Variants in POLN observed in about 807,000 individuals in gnomAD.
POLN encodes the protein DNA polymerase nu, also known as DNA polymerase N.
POLN carries 108 observed loss-of-function variants against 113.5 expected under a neutral mutation model. The observed-to-expected ratio is 0.95, with a 90% CI of 0.81 to 1.12. The LOEUF (loss-of-function observed/expected upper bound fraction) is 1.12. Ranked by LOEUF, POLN falls within the 50% of genes most tolerant of loss-of-function variation. The pLI, the probability that POLN is intolerant of heterozygous loss-of-function variation, is 0.00. For synonymous variants in POLN, 386 were observed against 391.5 expected, an observed-to-expected ratio of 0.99 and a Z score of 0.17; for missense variants, 1,097 against 1,077.1, an observed-to-expected ratio of 1.02 and a Z score of -0.26.
Position 2,193,206 on chromosome 4 carries a change from T to A in POLN, c.1019A>T (p.His340Leu). ...AGAGAATAAAAAATATAACTTACCA[T>A]GCTTCCAACTGCCATCATTGCCAAA... Reference protein sequence around the residue: ...QFFGNDGSWKHVADFIGLDPR... With the variant: ...QFFGNDGSWKLVADFIGLDPR... Residue 340 changes from histidine (H) to leucine (L), a missense_variant and splice_region_variant, in exon 7 of 26, where the codon CAT (histidine) becomes CTT (leucine). His to Leu is a moderately conservative substitution (Grantham distance 99). Coordinates refer to ENST00000511885, the MANE Select transcript of POLN (RefSeq NM_181808.4). 1 of 1,585,700 alleles carries A rather than the reference T, an allele frequency of 6.3e-7. No homozygotes were observed. The highest frequency in any genetic ancestry group is 8.6e-7 in the Non-Finnish European group (1 of 1,159,480).
At chr4:2,084,620 C>T (rs1005470629) in intron 21 of POLN, among the ~76,000 whole-genome samples, 1 of 152,262 alleles carries the variant, frequency 6.6e-6, no homozygotes, top group East Asian at 1.9e-4. Context: ...CTGCCTGGAG[C>T]TCTCGGGGCT....
chr4:2,161,357 A>G (rs1732583735), intron 13 of POLN, among the ~76,000 whole-genome samples: 2 of 152,134 alleles, frequency 1.3e-5, no homozygotes. Flanking sequence ...CAGGCCCTGC[A>G]CTCGGAGCAG....
At chr4:2,181,577 A>T (rs189339479) in intron 7 of POLN, among the ~76,000 whole-genome samples, 190 of 152,318 alleles carry the variant, frequency 1.2e-3, no homozygotes, top group Middle Eastern at 3.4e-3. Flanking sequence ...AAAAAATGAT[A>T]AATATGACAA....
chr4:2,220,085 TGTCTCCCAGCTACAAATTC>T (rs1429474711), intron 3 of POLN, among the ~76,000 whole-genome samples: 2 of 152,142 alleles, frequency 1.3e-5, no homozygotes, highest in African/African-American at 4.8e-5. Flanking sequence ...ATCAACATAC[TGTCTCCCAGCTACAAATTC>T]GCCTCTCAGC....
intron 23 of POLN, chr4:2,080,367 GC>G (rs56785461): frequency 0.88 from 875,429 of 991,702 alleles, 392,420 homozygotes; most frequent in Non-Finnish European, 0.9. Context: ...CCAGGGCGGA[GC>G]CCCCCCCCAC....
intron 16 of POLN, chr4:2,140,125 C>CTACA (rs949900968): frequency 1.3e-5 from 2 of 152,172 alleles, no homozygotes; most frequent in Admixed American, 6.5e-5. Flanking sequence ...GTCGCCCAGA[C>CTACA]TACAGTGCAG....
At chr4:2,194,311 C>G (rs1324833688) in intron 6 of POLN, among the ~76,000 whole-genome samples, 2 of 152,144 alleles carry the variant, frequency 1.3e-5, no homozygotes, top group East Asian at 3.9e-4. Flanking sequence ...TTGGTTAGAG[C>G]TGAGGAAGAA....
At chr4:2,105,628 T>C (rs573616336) in intron 19 of POLN, among the ~76,000 whole-genome samples, 1 of 151,908 alleles carries the variant, frequency 6.6e-6, no homozygotes, top group Non-Finnish European at 1.5e-5. Context: ...AGCTCAGAAA[T>C]AGGGAATAAC....
intron 16 of POLN, chr4:2,156,546 GGA>G (rs3216822): frequency 0.82 from 516,634 of 626,580 alleles, 218,340 homozygotes; most frequent in Non-Finnish European, 0.89. Context: ...CCTGCACACT[GGA>G]GTGCATGGGT....
intron 3 of POLN, among the ~76,000 whole-genome samples, chr4:2,217,688 G>T (rs1374768442): frequency 6.6e-6 from 1 of 152,226 alleles, no homozygotes; most frequent in Non-Finnish European, 1.5e-5. Context: ...AGTTCTAGGA[G>T]TCTGCATTGA....
intron 16 of POLN, 26 bp from the exon 17 acceptor site, chr4:2,131,316 AG>A: frequency 6.9e-7 from 1 of 1,459,116 alleles, no homozygotes; most frequent in Non-Finnish European, 9.6e-7. Context: ...GACTAGCTTT[AG>A]TTAAAATATC....
rs1391057737 is a variant in POLN, at chr4:2,128,129, T to C, written c.1966A>G (p.Thr656Ala). 13 of 1,599,028 alleles carry C rather than the reference T, an allele frequency of 8.1e-6. No homozygotes were observed. The highest frequency in any genetic ancestry group is 1.1e-5 in the South Asian group (1 of 90,722). The stretch of plus-strand genomic sequence containing the variant: ...ATATCTTACCACTGTGAAGTCAGAG[T>C]AGAAAATACATCATCTCTTTCAGAT... ...QESERDDVFS[T>A]LTSQWKDVPV... The change falls in exon 19 of 26, where the codon ACT (threonine) becomes GCT (alanine). Residue 656 changes from threonine (T) to alanine (A), a missense_variant. Coordinates refer to ENST00000511885, the MANE Select transcript of POLN (RefSeq NM_181808.4).
intron 8 of POLN, among the ~76,000 whole-genome samples, chr4:2,177,030 C>T (rs1363738040): frequency 2.6e-5 from 4 of 152,202 alleles, no homozygotes; most frequent in Admixed American, 6.5e-5. Flanking sequence ...TAAGTGCACA[C>T]ACCTTGGCAT....
At chr4:2,238,488 C>A in intron 2 of POLN, 20 of 573,054 alleles carry the variant, frequency 3.5e-5, no homozygotes, top group South Asian at 2.3e-4. Flanking sequence ...ATAGAAAGGC[C>A]AAAAGTGAAA....
intron 16 of POLN, among the ~76,000 whole-genome samples, chr4:2,152,334 G>A (rs1052514447): frequency 4.1e-5 from 6 of 147,768 alleles, no homozygotes; most frequent in Non-Finnish European, 8.9e-5. Context: ...CATTGCACCT[G>A]GCCTGATTTT....
chr4:2,189,617 C>T lies in POLN; in HGVS notation c.1021+3587G>A, dbSNP rs919840920. ...TTGTGCCACTGCACTCCAGCCTGGG[C>T]GACAGAGAGAGACTCCATCTCAAAC... is the stretch of plus-strand genomic sequence containing the variant. On this transcript the variant is annotated intron_variant, in intron 7 of 25. Transcript: ENST00000511885. Among the ~76,000 whole-genome samples the T allele has an allele frequency of 9.0e-5, 13 of 143,820 alleles. No individual in the cohort carries two copies. The East Asian group carries it at 1.4e-3, about 16-fold the overall frequency. 94.4% of individuals were successfully genotyped at this position (143,820 alleles called of 152,430 possible).
intron 20 of POLN, chr4:2,090,259 G>A: frequency 2.5e-6 from 2 of 801,482 alleles, no homozygotes; most frequent in Non-Finnish European, 4.2e-6. Context: ...TCTTGTTCCA[G>A]AACCTCTGAC....
At chr4:2,176,455 G>C in intron 8 of POLN, 121 bp from the exon 9 acceptor site, 1 of 712,374 alleles carries the variant, frequency 1.4e-6, no homozygotes, top group South Asian at 2.0e-5. Flanking sequence ...GTTTTCAATG[G>C]CAGATGTCAT....
At chr4:2,106,830 G>C (rs984851492) in intron 19 of POLN, among the ~76,000 whole-genome samples, 1 of 151,846 alleles carries the variant, frequency 6.6e-6, no homozygotes, top group Non-Finnish European at 1.5e-5. Context: ...GGCAGGACTT[G>C]GTCTTTTTTA....
Sources: gnomAD v4.1 joint callset for allele counts (sites outside exome capture counted in the v4.1 genomes callset) on GRCh38, gnomAD v4.1.1 for gene constraint, MANE v1.5 for transcripts, NCBI Gene and HGNC (gene_info 2026-07-23, HGNC 2026-07-21) for gene names.